METTL21A: variants seen among roughly 807,000 people sequenced by gnomAD.
The protein encoded by METTL21A is protein N-lysine methyltransferase METTL21A.
Under a neutral mutation model 20.9 loss-of-function variants are expected in METTL21A, and 22 were observed. That is an observed-to-expected ratio of 1.05 (90% CI 0.75 to 1.50). The LOEUF is 1.50. METTL21A is among the 40% of genes most tolerant of loss of function. The pLI is 0.00. For synonymous variants in METTL21A, 93 were observed against 102.0 expected, an observed-to-expected ratio of 0.91 and a Z score of 0.53; for missense variants, 271 against 266.8, an observed-to-expected ratio of 1.02 and a Z score of -0.11.
exon 4 of METTL21A, chr2:207,581,835 C>A: frequency 2.8e-6 from 2 of 702,784 alleles, no homozygotes; most frequent in Non-Finnish European, 5.2e-6. Context: ...ATTATAGTCT[C>A]CTTCAGTCTG....
At chr2:207,619,341 G>A (rs919368629) in intron 3 of METTL21A, among the ~76,000 whole-genome samples, 11 of 152,074 alleles carry the variant, frequency 7.2e-5, no homozygotes, top group Admixed American at 2.6e-4. Context: ...GTTACAAAAA[G>A]AGAATATACT....
At position 207,599,527 on chromosome 2, in the gene METTL21A, T is replaced by C. The variant is rs180685015; in HGVS notation, c.260-17367A>G. On this transcript the variant is annotated intron_variant, in intron 3 of 3. Coordinates refer to the METTL21A transcript ENST00000425132. The stretch of plus-strand genomic sequence containing the variant: ...GTGAGCTGGATGAATTTATAAGTTA[T>C]AAAGACCTTATCCTTCATACCTTGA... The C allele has an allele frequency of 4.1e-4, 81 of 196,686 alleles. No individual in the cohort carries two copies. The Middle Eastern group carries it at 7.3e-3, about 18-fold the overall frequency. 12.2% of individuals were successfully genotyped at this position (196,686 alleles called of 1,614,324 possible).
intron 3 of METTL21A, chr2:207,602,654 G>A (rs1046865873): frequency 4.7e-6 from 1 of 211,176 alleles, no homozygotes; most frequent in Non-Finnish European, 9.6e-6. Flanking sequence ...TTGTGTTTGG[G>A]AGGTTTTATT....
At chr2:207,607,257 C>A (rs2088252713), downstream of METTL21A, among the ~76,000 whole-genome samples, 1 of 152,068 alleles carries the variant, frequency 6.6e-6, no homozygotes, top group African/African-American at 2.4e-5. Context: ...GGCATGGTGG[C>A]AGATGCCTGT....
At chr2:207,624,335 AACC>A in exon 2 of METTL21A, 1 of 1,613,958 alleles carries the variant, frequency 6.2e-7, no homozygotes. Context: ...GAATTTCTGC[AACC>A]CAAATTCCGT....
downstream of METTL21A, among the ~76,000 whole-genome samples, chr2:207,605,385 T>C (rs1024471573): frequency 5.3e-5 from 8 of 152,242 alleles, no homozygotes; most frequent in Non-Finnish European, 1.2e-4. Context: ...TGAGGTCCTT[T>C]GTTCATTGAA....
At chr2:207,606,445 G>A (rs2088121123), downstream of METTL21A, among the ~76,000 whole-genome samples, 1 of 152,202 alleles carries the variant, frequency 6.6e-6, no homozygotes, top group Non-Finnish European at 1.5e-5. Context: ...TTGCGCCATT[G>A]CACTCCAGCC....
intron 3 of METTL21A, among the ~76,000 whole-genome samples, chr2:207,590,821 A>C (rs1209667226): frequency 2.0e-5 from 3 of 152,214 alleles, no homozygotes; most frequent in Non-Finnish European, 4.4e-5. Flanking sequence ...CTTGATATAA[A>C]TAATTGATTT....
At chr2:207,589,167 A>G (rs527464746) in intron 3 of METTL21A, among the ~76,000 whole-genome samples, 13 of 152,278 alleles carry the variant, frequency 8.5e-5, no homozygotes, top group East Asian at 5.8e-4. Flanking sequence ...TTCCAGTTCT[A>G]TAAGATCAGA....
At chr2:207,604,265 TAG>T (rs2087656367), downstream of METTL21A, among the ~76,000 whole-genome samples, 2 of 152,214 alleles carry the variant, frequency 1.3e-5, no homozygotes, top group Non-Finnish European at 2.9e-5. Flanking sequence ...TTTCTAGTTT[TAG>T]TGTTTCGCCA....
At chr2:207,599,289 CAA>C (rs2086663051) in intron 3 of METTL21A, 1 of 205,160 alleles carries the variant, frequency 4.9e-6, no homozygotes, top group South Asian at 1.9e-4. Flanking sequence ...AGAAATCAAG[CAA>C]AGTCACAAAT....
downstream of METTL21A, among the ~76,000 whole-genome samples, chr2:207,605,941 T>C (rs1003132334): frequency 1.3e-5 from 2 of 152,264 alleles, no homozygotes; most frequent in African/African-American, 2.4e-5. Flanking sequence ...TGTCAAACTT[T>C]ACAGTCTAGG....
chr2:207,589,155 T>G (rs2106636473), intron 3 of METTL21A, among the ~76,000 whole-genome samples: 1 of 152,250 alleles, frequency 6.6e-6, no homozygotes, highest in Non-Finnish European at 1.5e-5. Flanking sequence ...AAATGTATTG[T>G]TTTCCAGTTC....
chr2:207,609,403 C>A (rs546109462), downstream of METTL21A: 6 of 152,250 alleles, frequency 3.9e-5, no homozygotes, highest in South Asian at 8.3e-4. Flanking sequence ...AACAATATAA[C>A]AATCATTTAA....
At chr2:207,586,867 CA>C (rs1267976092) in intron 3 of METTL21A, among the ~76,000 whole-genome samples, 1 of 152,146 alleles carries the variant, frequency 6.6e-6, no homozygotes, top group African/African-American at 2.4e-5. Context: ...TGGTTATTAT[CA>C]AAAAGACAAG....
chr2:207,589,582 G>C (rs2084566717), intron 3 of METTL21A, among the ~76,000 whole-genome samples: 1 of 152,164 alleles, frequency 6.6e-6, no homozygotes, highest in Non-Finnish European at 1.5e-5. Context: ...TAATGTAATA[G>C]CTGTAGGGTC....
At chr2:207,582,068 G>A (rs745496208) in exon 4 of METTL21A, 19 of 700,998 alleles carry the variant, frequency 2.7e-5, no homozygotes, top group Non-Finnish European at 4.7e-5. Flanking sequence ...TGATCACTTG[G>A]TTAAAGTGCT....
intron 3 of METTL21A, chr2:207,597,383 T>C: frequency 3.6e-6 from 1 of 278,742 alleles, no homozygotes; most frequent in Non-Finnish European, 6.7e-6. Flanking sequence ...AAAATCTTTT[T>C]AAAAATGATT....
chr2:207,592,911 C>CAAAAAAAAAAAAAAAAAAGAA (rs1441311815), intron 3 of METTL21A, among the ~76,000 whole-genome samples: 5 of 145,088 alleles, frequency 3.4e-5, no homozygotes, highest in African/African-American at 5.1e-5. Context: ...GACTCCATCT[C>CAAAAAAAAAAAAAAAAAAGAA]AAAAAAGAAA....
Sources: allele counts gnomAD v4.1 joint callset (sites outside exome capture counted in the v4.1 genomes callset), GRCh38; gene constraint gnomAD v4.1.1; transcripts MANE v1.5; gene names NCBI Gene and HGNC (gene_info 2026-07-23, HGNC 2026-07-21).